GABBR2: variants seen among roughly 807,000 people sequenced by gnomAD.
The protein encoded by GABBR2 is G-protein coupled receptor 51.
In GABBR2, 23 loss-of-function variants were observed where a neutral mutation model predicts 105.6. The ratio of observed to expected loss-of-function variants is 0.22; its 90% CI spans 0.16 to 0.31. The LOEUF (loss-of-function observed/expected upper bound fraction) is 0.31. Among genes scored for constraint, GABBR2 ranks in the 10% least tolerant of loss-of-function variants. GABBR2 has a pLI of 1.00. For synonymous variants in GABBR2, 478 were observed against 499.7 expected, an observed-to-expected ratio of 0.96 and a Z score of 0.58; for missense variants, 734 against 1,245.5, an observed-to-expected ratio of 0.59 and a Z score of 6.18.
At chr9:98,307,415 G>A (rs1386483472) in intron 14 of GABBR2, among the ~76,000 whole-genome samples, 1 of 152,158 alleles carries the variant, frequency 6.6e-6, no homozygotes, top group Non-Finnish European at 1.5e-5. Context: ...GACTGGTACA[G>A]GGACCTCTGC....
chr9:98,434,908 T>C (rs183985510), intron 7 of GABBR2, among the ~76,000 whole-genome samples: 79 of 152,302 alleles, frequency 5.2e-4, no homozygotes, highest in Admixed American at 1.0e-3. Flanking sequence ...GGAGTGGGTC[T>C]TGAGGTCACA....
At chr9:98,299,437 G>A in intron 16 of GABBR2, 84 bp from the exon 17 acceptor site, 6 of 1,491,416 alleles carry the variant, frequency 4.0e-6, no homozygotes, top group Non-Finnish European at 5.6e-6. Context: ...TAGCTCACAG[G>A]GCTGGGCCTT....
At chr9:98,628,939 C>T (rs1159976281) in intron 1 of GABBR2, among the ~76,000 whole-genome samples, 1 of 152,182 alleles carries the variant, frequency 6.6e-6, no homozygotes, top group African/African-American at 2.4e-5. Flanking sequence ...CACACTGTGT[C>T]CTTTATAGGC....
intron 3 of GABBR2, among the ~76,000 whole-genome samples, chr9:98,500,679 G>T (rs1464859932): frequency 1.3e-5 from 2 of 152,324 alleles, no homozygotes; most frequent in East Asian, 3.9e-4. Flanking sequence ...AATAATCTGC[G>T]ATAAGAGGCT....
intron 7 of GABBR2, among the ~76,000 whole-genome samples, chr9:98,415,299 A>G (rs992007765): frequency 6.6e-6 from 1 of 152,186 alleles, no homozygotes; most frequent in East Asian, 1.9e-4. Flanking sequence ...AGATGTGATA[A>G]GGAGGCACAT....
intron 6 of GABBR2, among the ~76,000 whole-genome samples, chr9:98,456,393 C>G (rs1377956271): frequency 6.6e-6 from 1 of 152,182 alleles, no homozygotes; most frequent in African/African-American, 2.4e-5. Flanking sequence ...TAAAAGCCCC[C>G]AGCCTGAGGC....
Position 98,637,631 on chromosome 9 carries a change from A to G in GABBR2, c.322-59559T>C, listed in dbSNP as rs1003532067. On this transcript the variant is annotated intron_variant, in intron 1 of 18. Coordinates refer to ENST00000259455, the MANE Select transcript of GABBR2 (RefSeq NM_005458.8). ...TGAGTACCCAGTGATGTCATGTAAA[A>G]AAGACTTGACCAGCCATTATTGCCT... is the stretch of plus-strand genomic sequence containing the variant. Among the ~76,000 whole-genome samples, 3 of 152,298 alleles carry G rather than the reference A, an allele frequency of 2.0e-5. No homozygotes were observed. The South Asian group carries it at 6.2e-4, about 32-fold the overall frequency.
rs567400547 is a variant in GABBR2 at position 98,366,353 on chromosome 9, A to C, written c.1771-3516T>G. Among the ~76,000 whole-genome samples, 5 of 152,294 alleles carry C rather than the reference A, an allele frequency of 3.3e-5. No individual in the cohort carries two copies. The East Asian group carries it at 7.7e-4, about 24-fold the overall frequency. ...TGCTCGTTTAAATGAGCGTACCCTCAATTACAAGGAGGGTAAGGTAGAGAA... is the reference window on the plus strand; with the variant it reads ...TGCTCGTTTAAATGAGCGTACCCTCCATTACAAGGAGGGTAAGGTAGAGAA... On this transcript the variant is annotated intron_variant, in intron 12 of 18. Coordinates refer to ENST00000259455, the MANE Select transcript of GABBR2 (RefSeq NM_005458.8).
At chr9:98,327,401 C>T (rs1830942424) in intron 13 of GABBR2, among the ~76,000 whole-genome samples, 1 of 151,990 alleles carries the variant, frequency 6.6e-6, no homozygotes, top group Non-Finnish European at 1.5e-5. Context: ...AGCAGCACTT[C>T]CTGAATTCAA....
intron 11 of GABBR2, among the ~76,000 whole-genome samples, chr9:98,378,919 G>T (rs533565057): frequency 5.9e-5 from 9 of 152,280 alleles, no homozygotes; most frequent in African/African-American, 2.2e-4. Flanking sequence ...AAAAGAGTTG[G>T]GGTGGTCAGC....
intron 1 of GABBR2, among the ~76,000 whole-genome samples, chr9:98,625,520 G>T (rs149690708): frequency 6.6e-6 from 1 of 152,206 alleles, no homozygotes; most frequent in Non-Finnish European, 1.5e-5. Flanking sequence ...TCTTGGAAAA[G>T]ACCCTGAGCC....
intron 1 of GABBR2, among the ~76,000 whole-genome samples, chr9:98,593,618 G>T (rs1017962612): frequency 6.6e-6 from 1 of 152,166 alleles, no homozygotes; most frequent in African/African-American, 2.4e-5. Flanking sequence ...CACAAGGCTG[G>T]TGAGGCACTG....
At chr9:98,462,641 A>G (rs886592071) in intron 6 of GABBR2, among the ~76,000 whole-genome samples, 1 of 152,150 alleles carries the variant, frequency 6.6e-6, no homozygotes, top group African/African-American at 2.4e-5. Flanking sequence ...TAAAATTAAA[A>G]AGCTGACACA....
At chr9:98,593,725 C>T (rs1357914361) in intron 1 of GABBR2, among the ~76,000 whole-genome samples, 1 of 152,156 alleles carries the variant, frequency 6.6e-6, no homozygotes, top group Admixed American at 6.5e-5. Context: ...CGACAGCTCC[C>T]CCATGTGCAA....
At chr9:98,371,432 C>T (rs567112154) in intron 12 of GABBR2, 32 bp downstream of exon 12, 8 of 1,123,490 alleles carry the variant, frequency 7.1e-6, no homozygotes, top group Non-Finnish European at 1.1e-5. Context: ...GTGAACACTA[C>T]TAATACCCTG....
chr9:98,697,355 G>C (rs1304284965), intron 1 of GABBR2, among the ~76,000 whole-genome samples: 2 of 152,172 alleles, frequency 1.3e-5, no homozygotes, highest in Non-Finnish European at 2.9e-5. Flanking sequence ...GCCGGGCGTG[G>C]TGGCGGGCGC....
At chr9:98,362,175 T>A (rs1382910281) in intron 13 of GABBR2, among the ~76,000 whole-genome samples, 1 of 152,206 alleles carries the variant, frequency 6.6e-6, no homozygotes, top group Non-Finnish European at 1.5e-5. Flanking sequence ...ATCTGGAGAA[T>A]CCTAGAAAGA....
chr9:98,335,638 C>T (rs1011016310), intron 13 of GABBR2, among the ~76,000 whole-genome samples: 4 of 151,876 alleles, frequency 2.6e-5, no homozygotes, highest in Admixed American at 1.3e-4. Context: ...TTGAGAACCA[C>T]GAGTCAAGTT....
chr9:98,578,756 T>C (rs1256451655), intron 1 of GABBR2, among the ~76,000 whole-genome samples: 1 of 152,204 alleles, frequency 6.6e-6, no homozygotes, highest in Non-Finnish European at 1.5e-5. Context: ...AGTGTATCCA[T>C]GCAGTGGAAT....
Sources: gnomAD v4.1 joint callset for allele counts (sites outside exome capture counted in the v4.1 genomes callset) on GRCh38, gnomAD v4.1.1 for gene constraint, MANE v1.5 for transcripts, NCBI Gene and HGNC (gene_info 2026-07-23, HGNC 2026-07-21) for gene names.